BACH2: variants seen among roughly 807,000 people sequenced by gnomAD.
BACH2 encodes BACH transcriptional regulator 2, also known as transcription regulator protein BACH2.
BACH2 carries 5 observed loss-of-function variants against 61.8 expected under a neutral mutation model. The ratio of observed to expected loss-of-function variants is 0.08; its 90% CI spans 0.04 to 0.17. BACH2 has a LOEUF of 0.17. Ranked by LOEUF, BACH2 falls within the 10% of genes least tolerant of loss-of-function variation. The pLI, the probability that BACH2 is intolerant of heterozygous loss-of-function variation, is 1.00. For missense variants in BACH2, 824 were observed against 1,091.1 expected (o/e 0.76, Z 3.45); for synonymous variants, 446 against 440.1 (o/e 1.01, Z -0.17).
chr6:90,022,593 TGAACGAATGAAC>T (rs1345555450), intron 5 of BACH2, among the ~76,000 whole-genome samples: 2 of 152,154 alleles, frequency 1.3e-5, no homozygotes, highest in African/African-American at 4.8e-5. Context: ...CAAAAATGAA[TGAACGAATGAAC>T]GAATTTAACC....
intron 5 of BACH2, among the ~76,000 whole-genome samples, chr6:90,040,899 T>C (rs1389258254): frequency 6.6e-6 from 1 of 152,220 alleles, no homozygotes; most frequent in East Asian, 1.9e-4. Flanking sequence ...ATGAAGAATG[T>C]TTAGTTTTAC....
chr6:90,035,613 G>A (rs556649014), intron 5 of BACH2, among the ~76,000 whole-genome samples: 1 of 152,146 alleles, frequency 6.6e-6, no homozygotes, highest in South Asian at 2.1e-4. Flanking sequence ...AGTCTTTTGT[G>A]TGTCTTGTTG....
chr6:90,257,948 G>A (rs996404567), intron 2 of BACH2, among the ~76,000 whole-genome samples: 2 of 152,052 alleles, frequency 1.3e-5, no homozygotes, highest in East Asian at 3.9e-4. Flanking sequence ...GCTAATTTTT[G>A]TATTTTTAGT....
At chr6:90,091,359 T>C (rs1018825363) in intron 4 of BACH2, among the ~76,000 whole-genome samples, 15 of 152,152 alleles carry the variant, frequency 9.9e-5, no homozygotes, top group Non-Finnish European at 2.1e-4. Context: ...AAGAGTGTTA[T>C]ATAACACAAA....
intron 6 of BACH2, among the ~76,000 whole-genome samples, chr6:89,985,587 G>A (rs1776197727): frequency 6.6e-6 from 1 of 152,198 alleles, no homozygotes; most frequent in African/African-American, 2.4e-5. Context: ...ATCTGAACTG[G>A]TTAGCTCCAG....
chr6:89,996,124 G>A lies in BACH2; in HGVS notation c.243+12478C>T, dbSNP rs1383725627. On this transcript the variant is annotated intron_variant, in intron 6 of 8. Transcript: ENST00000257749. ...TATCTGTCTATACCTTTGGCTCTGTGATCTCAGTGCCTTAGGCACATGTAA... is the reference window on the plus strand; with the variant it reads ...TATCTGTCTATACCTTTGGCTCTGTAATCTCAGTGCCTTAGGCACATGTAA... Among the ~76,000 whole-genome samples the A allele has an allele frequency of 2.6e-5, 4 of 152,286 alleles. No individual in the cohort carries two copies. In the East Asian group the frequency reaches 7.7e-4, roughly 29 times the overall value.
At chr6:90,285,675 G>A (rs1223038867) in intron 1 of BACH2, among the ~76,000 whole-genome samples, 1 of 152,160 alleles carries the variant, frequency 6.6e-6, no homozygotes, top group Non-Finnish European at 1.5e-5. Context: ...CAGGAGAAGA[G>A]GACCCAGCTC....
chr6:90,010,621 G>A (rs775305923), intron 5 of BACH2, among the ~76,000 whole-genome samples: 152 of 152,292 alleles, frequency 1.0e-3, no homozygotes, highest in Non-Finnish European at 1.7e-3. Context: ...CCTGTGAGTA[G>A]AATGTATTAT....
chr6:90,267,766 G>A (rs368221975), intron 2 of BACH2, among the ~76,000 whole-genome samples: 11 of 152,170 alleles, frequency 7.2e-5, no homozygotes, highest in African/African-American at 2.6e-4. Context: ...ATTAAAGAAA[G>A]TTGCAGAGTA....
intron 2 of BACH2, among the ~76,000 whole-genome samples, chr6:90,262,627 A>G (rs1346777678): frequency 6.6e-6 from 1 of 152,202 alleles, no homozygotes; most frequent in East Asian, 1.9e-4. Flanking sequence ...CAAAATTATC[A>G]CAGAGTAGCC....
At chr6:90,197,240 A>T (rs1768790715) in intron 4 of BACH2, among the ~76,000 whole-genome samples, 1 of 152,252 alleles carries the variant, frequency 6.6e-6, no homozygotes, top group African/African-American at 2.4e-5. Flanking sequence ...ACAAAAATGA[A>T]GGGAAAATAA....
At chr6:90,151,164 C>T (rs897621728) in intron 4 of BACH2, among the ~76,000 whole-genome samples, 2 of 152,210 alleles carry the variant, frequency 1.3e-5, no homozygotes, top group African/African-American at 4.8e-5. Flanking sequence ...TTATAACCCA[C>T]ACCATGGCTA....
intron 2 of BACH2, among the ~76,000 whole-genome samples, chr6:90,255,512 G>A (rs1291716826): frequency 6.6e-6 from 1 of 152,184 alleles, no homozygotes; most frequent in East Asian, 1.9e-4. Flanking sequence ...AGAGGAGATG[G>A]CATTTGAGTT....
chr6:90,066,844 A>G (rs1287410306), intron 5 of BACH2, among the ~76,000 whole-genome samples: 1 of 152,244 alleles, frequency 6.6e-6, no homozygotes, highest in Non-Finnish European at 1.5e-5. Context: ...GGCAGGGCAC[A>G]AGGTTTGCAG....
intron 4 of BACH2, among the ~76,000 whole-genome samples, chr6:90,106,061 A>G (rs1782890821): frequency 6.6e-6 from 1 of 152,214 alleles, no homozygotes; most frequent in South Asian, 2.1e-4. Context: ...TCTGCATTCA[A>G]TACATTTTTC....
At position 89,951,905 on chromosome 6, in the gene BACH2, T is replaced by C; in HGVS notation, c.244-43A>G. On this transcript the variant is annotated intron_variant, in intron 6 of 8. Transcript: ENST00000257749. The surrounding 1 kb of genome is among the most constrained non-coding windows in gnomAD (Gnocchi z 6.4). Reference sequence around the variant, plus strand: ...AAATCGCCAACATTACCATCAGCACTGCTATTGTCCCGAATCCCTCAACTG... The same window carrying C: ...AAATCGCCAACATTACCATCAGCACCGCTATTGTCCCGAATCCCTCAACTG... The C allele has an allele frequency of 6.3e-7, 1 of 1,585,050 alleles. No individual in the cohort carries two copies. Among genetic ancestry groups the C allele is most frequent in the East Asian group, 2.2e-5 (1 of 44,568 alleles).
intron 5 of BACH2, among the ~76,000 whole-genome samples, chr6:90,059,100 C>A (rs976361770): frequency 6.6e-6 from 1 of 152,160 alleles, no homozygotes; most frequent in Middle Eastern, 3.2e-3. Context: ...AAAGCAATGG[C>A]AACAAAAGAC....
chr6:89,939,464 A>G (rs1773261444), intron 7 of BACH2, among the ~76,000 whole-genome samples: 1 of 152,200 alleles, frequency 6.6e-6, no homozygotes, highest in Non-Finnish European at 1.5e-5. Context: ...GTTTTAGGTC[A>G]TTAAGTTTTG....
chr6:90,159,768 C>T (rs1785125298), intron 4 of BACH2, among the ~76,000 whole-genome samples: 1 of 152,108 alleles, frequency 6.6e-6, no homozygotes, highest in Admixed American at 6.6e-5. Context: ...TTGTACTGTA[C>T]AAAACTGGGG....
Sources: gnomAD v4.1 joint callset for allele counts (sites outside exome capture counted in the v4.1 genomes callset) on GRCh38, gnomAD v4.1.1 for gene constraint, Gnocchi (gnomAD v3.1) non-coding constraint, MANE v1.5 for transcripts, NCBI Gene and HGNC (gene_info 2026-07-23, HGNC 2026-07-21) for gene names.